HHAT: variants seen among roughly 807,000 people sequenced by gnomAD.
HHAT encodes the protein protein-cysteine N-palmitoyltransferase HHAT.
HHAT carries 47 observed loss-of-function variants against 70.8 expected under a neutral mutation model. The ratio of observed to expected loss-of-function variants is 0.66; its 90% CI spans 0.53 to 0.85. The LOEUF is 0.85. Ranked by LOEUF, HHAT falls within the 40% of genes least tolerant of loss-of-function variation. The pLI is 0.00. For synonymous variants in HHAT, 228 were observed against 247.6 expected (o/e 0.92, Z 0.74); for missense variants, 609 against 604.8 (o/e 1.01, Z -0.07).
At chr1:210,371,259 C>G (rs1400272909) in intron 3 of HHAT, among the ~76,000 whole-genome samples, 2 of 152,196 alleles carry the variant, frequency 1.3e-5, no homozygotes, top group African/African-American at 4.8e-5. Context: ...TCAAGCGATT[C>G]TCGTGCCTCA....
intron 9 of HHAT, among the ~76,000 whole-genome samples, chr1:210,534,856 C>T (rs1002348159): frequency 6.6e-6 from 1 of 152,142 alleles, no homozygotes; most frequent in Non-Finnish European, 1.5e-5. Flanking sequence ...TCTAGATTTA[C>T]CCATCACATT....
intron 10 of HHAT, among the ~76,000 whole-genome samples, chr1:210,598,136 G>A (rs545270941): frequency 9.2e-5 from 14 of 152,042 alleles, no homozygotes; most frequent in Middle Eastern, 6.8e-3. Flanking sequence ...GGTAGGGGTT[G>A]GGATGGGGGC....
At chr1:210,435,090 A>G (rs1159338342) in intron 7 of HHAT, among the ~76,000 whole-genome samples, 3 of 151,812 alleles carry the variant, frequency 2.0e-5, no homozygotes, top group Admixed American at 6.6e-5. Flanking sequence ...CTAAGTGTAT[A>G]TGTGTACCCA....
At chr1:210,632,755 C>T (rs11119553) in intron 11 of HHAT, among the ~76,000 whole-genome samples, 39,858 of 152,126 alleles carry the variant, frequency 0.26, 5,503 homozygotes, top group Middle Eastern at 0.33. Context: ...GCCTAAATAA[C>T]TTCTTCTTAC....
chr1:210,557,744 G>C (rs1464221352), intron 9 of HHAT, among the ~76,000 whole-genome samples: 1 of 152,198 alleles, frequency 6.6e-6, no homozygotes, highest in Non-Finnish European at 1.5e-5. Context: ...CAGGCCCTGT[G>C]ATTCAATTAT....
At chr1:210,436,831 A>G (rs1033025436) in intron 7 of HHAT, among the ~76,000 whole-genome samples, 5 of 151,840 alleles carry the variant, frequency 3.3e-5, no homozygotes, top group African/African-American at 9.7e-5. Flanking sequence ...AGCTTGTACT[A>G]TAACTCCTCT....
chr1:210,592,218 G>A (rs1661881356), intron 10 of HHAT, among the ~76,000 whole-genome samples: 1 of 151,976 alleles, frequency 6.6e-6, no homozygotes. Flanking sequence ...AATATGGTGA[G>A]AGATAGGGGT....
At chr1:210,531,227 TC>T (rs1249708242) in intron 9 of HHAT, among the ~76,000 whole-genome samples, 7 of 152,348 alleles carry the variant, frequency 4.6e-5, no homozygotes, top group African/African-American at 1.4e-4. Context: ...GAGACCACTA[TC>T]ATATATGCAG....
At chr1:210,374,186 A>G (rs1010337415) in intron 3 of HHAT, 7 of 152,332 alleles carry the variant, frequency 4.6e-5, no homozygotes, top group South Asian at 2.1e-4. Context: ...ACAAAAAATT[A>G]GCTTATAACT....
At chr1:210,664,958 C>A (rs1678576847) in intron 11 of HHAT, among the ~76,000 whole-genome samples, 1 of 152,106 alleles carries the variant, frequency 6.6e-6, no homozygotes, top group Non-Finnish European at 1.5e-5. Context: ...GTCACCAAGT[C>A]TTATAAATCC....
intron 11 of HHAT, among the ~76,000 whole-genome samples, chr1:210,670,569 G>T (rs1045227485): frequency 6.6e-6 from 1 of 152,114 alleles, no homozygotes; most frequent in Non-Finnish European, 1.5e-5. Context: ...AATTCACGTG[G>T]ACCTGGTACC....
At chr1:210,425,097 C>T (rs1214461172) in intron 7 of HHAT, among the ~76,000 whole-genome samples, 1 of 152,146 alleles carries the variant, frequency 6.6e-6, no homozygotes, top group Non-Finnish European at 1.5e-5. Flanking sequence ...CTCTAATGAG[C>T]AGTGATGCTG....
chr1:210,404,180 C>T (rs2092222718), intron 5 of HHAT, among the ~76,000 whole-genome samples: 1 of 152,148 alleles, frequency 6.6e-6, no homozygotes, highest in Non-Finnish European at 1.5e-5. Flanking sequence ...CTGGGAAAAC[C>T]TTCGTTATGT....
At chr1:210,340,364 A>G (rs1890302) in intron 1 of HHAT, among the ~76,000 whole-genome samples, 85,810 of 151,562 alleles carry the variant, frequency 0.57, 24,942 homozygotes, top group African/African-American at 0.68. Context: ...ACAAAATGGG[A>G]TTCAGTTTCA....
At chr1:210,536,401 A>G (rs1227519979) in intron 9 of HHAT, among the ~76,000 whole-genome samples, 4 of 152,212 alleles carry the variant, frequency 2.6e-5, no homozygotes, top group Non-Finnish European at 5.9e-5. Flanking sequence ...AGTTCCCTAC[A>G]GTTTCCTGCT....
intron 10 of HHAT, among the ~76,000 whole-genome samples, chr1:210,617,644 A>G (rs986471524): frequency 6.6e-6 from 1 of 152,218 alleles, no homozygotes; most frequent in African/African-American, 2.4e-5. Flanking sequence ...TCTTGCATGT[A>G]CTGCATGGAT....
intron 9 of HHAT, among the ~76,000 whole-genome samples, chr1:210,557,196 T>C (rs2095580712): frequency 6.6e-6 from 1 of 152,226 alleles, no homozygotes; most frequent in Non-Finnish European, 1.5e-5. Flanking sequence ...AGGTATGAAA[T>C]GCATATGTTA....
intron 8 of HHAT, among the ~76,000 whole-genome samples, chr1:210,466,274 G>A (rs938305184): frequency 6.6e-6 from 1 of 152,256 alleles, no homozygotes; most frequent in Non-Finnish European, 1.5e-5. Context: ...ACATTGCAAG[G>A]AATGTTGAGT....
At chr1:210,498,392 C>T (rs934260301) in intron 8 of HHAT, among the ~76,000 whole-genome samples, 5 of 152,052 alleles carry the variant, frequency 3.3e-5, no homozygotes, top group South Asian at 2.1e-4. Context: ...TTAAAAATCC[C>T]TGTAGCATTT....
Sources: allele counts gnomAD v4.1 joint callset (sites outside exome capture counted in the v4.1 genomes callset), GRCh38; gene constraint gnomAD v4.1.1; transcripts MANE v1.5; gene names NCBI Gene and HGNC (gene_info 2026-07-23, HGNC 2026-07-21).